The following RYR3 variants were observed in gnomAD, a reference collection of about 807,000 sequenced individuals.
RYR3 encodes ryanodine receptor 3.
In RYR3, 207 loss-of-function variants were observed where a neutral mutation model predicts 584.3. The observed-to-expected ratio is 0.35, with a 90% CI of 0.32 to 0.40. The LOEUF is 0.40. RYR3 is among the 10% of genes least tolerant of loss of function. The pLI is 1.00. For synonymous variants in RYR3, 2,416 were observed against 2,248.5 expected (o/e 1.07, Z -2.11); for missense variants, 5,616 against 6,089.2 (o/e 0.92, Z 2.59).
intron 94 of RYR3, chr15:33,852,343 T>G (rs1014175186): frequency 6.6e-6 from 1 of 152,056 alleles, no homozygotes; most frequent in Non-Finnish European, 1.5e-5. Context: ...TTTCTTAACT[T>G]TAACAGTAAG....
chr15:33,745,844 G>A (rs931072585), intron 52 of RYR3, among the ~76,000 whole-genome samples: 1 of 152,182 alleles, frequency 6.6e-6, no homozygotes, highest in African/African-American at 2.4e-5. Flanking sequence ...AAAGTGGAGA[G>A]GACAGCAACT....
At chr15:33,430,459 T>G (rs567630013) in intron 1 of RYR3, among the ~76,000 whole-genome samples, 103 of 152,286 alleles carry the variant, frequency 6.8e-4, no homozygotes, top group African/African-American at 1.8e-3. Flanking sequence ...AGGGAGAGCT[T>G]TATCTAAAAA....
At chr15:33,564,732 T>A (rs1259486280) in intron 11 of RYR3, among the ~76,000 whole-genome samples, 1 of 152,188 alleles carries the variant, frequency 6.6e-6, no homozygotes, top group African/African-American at 2.4e-5. Flanking sequence ...TTTGCATTGT[T>A]GACTTACTGT....
At chr15:33,589,214 A>G (rs993007135) in intron 16 of RYR3, among the ~76,000 whole-genome samples, 15 of 152,176 alleles carry the variant, frequency 9.9e-5, no homozygotes, top group African/African-American at 1.7e-4. Context: ...ATGATTAGTG[A>G]CGCTGAGCAT....
Position 33,697,843 on chromosome 15 carries a change from T to A in RYR3, c.6135-39T>A, listed in dbSNP as rs537738836. The A allele has an allele frequency of 7.1e-6, 9 of 1,268,758 alleles. No homozygotes were observed. In the South Asian group the frequency reaches 1.1e-4, roughly 15 times the overall value. The allele number at this position is 1,268,758 out of a possible 1,614,324, so 78.6% of individuals were successfully genotyped here. ...TCCCTGAATTTTCATAGCATATAAA[T>A]AAGCAGGTGCTGAAGACTCTCTCTG... On this transcript the variant is annotated intron_variant, in intron 39 of 103. Transcript: ENST00000634891.
At chr15:33,794,029 TATATACATAAATAC>T (rs2075342822) in intron 67 of RYR3, among the ~76,000 whole-genome samples, 2 of 103,692 alleles carry the variant, frequency 1.9e-5, no homozygotes, top group Admixed American at 1.1e-4. Context: ...TATATATAAA[TATATACATAAATAC>T]ATATATATAA....
chr15:33,769,002 T>C lies in RYR3; in HGVS notation c.8756-110T>C, dbSNP rs181170652. 2.1e-4 allele frequency: 177 copies of C among 830,242 alleles called. No homozygotes were observed. The East Asian group carries it at 3.4e-3, about 16-fold the overall frequency. 51.4% of individuals were successfully genotyped at this position (830,242 alleles called of 1,614,324 possible). Reference sequence around the variant, plus strand: ...CTGAACACAGGCCCAGGACTTTATGTGTTGGTAGTTAATTACGCTGGGGCT... The same window carrying C: ...CTGAACACAGGCCCAGGACTTTATGCGTTGGTAGTTAATTACGCTGGGGCT... On this transcript the variant is annotated intron_variant, in intron 61 of 103. Coordinates refer to ENST00000634891, the MANE Select transcript of RYR3 (RefSeq NM_001036.6).
intron 1 of RYR3, among the ~76,000 whole-genome samples, chr15:33,411,403 T>C (rs1394701016): frequency 1.3e-5 from 2 of 152,198 alleles, no homozygotes; most frequent in African/African-American, 4.8e-5. Flanking sequence ...ACTGCAAATA[T>C]TGAAGCAAAC....
chr15:33,838,038 A>C lies in RYR3; in HGVS notation c.12058A>C (p.Ser4020Arg). The C allele has an allele frequency of 6.2e-7, 1 of 1,614,034 alleles. No homozygotes were observed. Among genetic ancestry groups the C allele is most frequent in the East Asian group, 2.2e-5 (1 of 44,886 alleles). Residue 4020 changes from serine (S) to arginine (R), a missense_variant, in exon 89 of 104, where the codon AGT (serine) becomes CGT (arginine). By Grantham distance (110) the Ser-to-Arg change is moderately radical. Coordinates refer to ENST00000634891, the MANE Select transcript of RYR3 (RefSeq NM_001036.6). ...RLKCLLDPAE[S>R]VLNYFEPYLG... is the part of the protein sequence containing the mutation. Reference sequence around the variant, plus strand: ...GAAGTGTCTGTTGGACCCAGCAGAAAGTGTGCTAAATTACTTCGAACCCTA... The same window carrying C: ...GAAGTGTCTGTTGGACCCAGCAGAACGTGTGCTAAATTACTTCGAACCCTA...
At chr15:33,634,991 T>C (rs2061433420) in intron 25 of RYR3, among the ~76,000 whole-genome samples, 1 of 152,220 alleles carries the variant, frequency 6.6e-6, no homozygotes, top group African/African-American at 2.4e-5. Flanking sequence ...TCTTCTAGGG[T>C]AGCTGAGCTT....
chr15:33,574,684 C>T (rs181403215), intron 12 of RYR3, among the ~76,000 whole-genome samples: 28 of 152,160 alleles, frequency 1.8e-4, no homozygotes, highest in Non-Finnish European at 3.5e-4. Context: ...CTTTGGGCCC[C>T]GATGAAAATC....
chr15:33,827,728 T>C lies in RYR3; in HGVS notation c.11334+441T>C, dbSNP rs141702127. Reference sequence around the variant, plus strand: ...GGAAGCCCAAATTATATTGAAAAAATCTACACAAACCTATTAACAAAAAGG... The same window carrying C: ...GGAAGCCCAAATTATATTGAAAAAACCTACACAAACCTATTAACAAAAAGG... On this transcript the variant is annotated intron_variant, in intron 85 of 103. Transcript: ENST00000634891. Among the ~76,000 whole-genome samples the C allele has an allele frequency of 4.1e-4, 62 of 152,314 alleles. No homozygotes were observed. The East Asian group carries it at 0.01, about 26-fold the overall frequency.
intron 7 of RYR3, among the ~76,000 whole-genome samples, chr15:33,543,034 G>A (rs149001716): frequency 3.9e-5 from 6 of 152,182 alleles, no homozygotes; most frequent in South Asian, 4.2e-4. Flanking sequence ...TGATGAAAGC[G>A]TCTACACTTG....
chr15:33,495,810 T>G (rs1275504417), intron 2 of RYR3, among the ~76,000 whole-genome samples: 1 of 152,168 alleles, frequency 6.6e-6, no homozygotes, highest in Admixed American at 6.5e-5. Context: ...ACTGCACAAA[T>G]ACATAAATAA....
At chr15:33,860,700 A>G (rs1242933198) in intron 101 of RYR3, 41 bp downstream of exon 101, 1 of 1,376,010 alleles carries the variant, frequency 7.3e-7, no homozygotes, top group African/African-American at 1.4e-5. Flanking sequence ...CTATTTTAAT[A>G]TCCCCAGAAG....
At chr15:33,781,119 TG>T (rs1424852406) in intron 65 of RYR3, among the ~76,000 whole-genome samples, 1 of 152,212 alleles carries the variant, frequency 6.6e-6, no homozygotes, top group African/African-American at 2.4e-5. Flanking sequence ...AAAATGATCC[TG>T]GAACTAAAAT....
intron 1 of RYR3, among the ~76,000 whole-genome samples, chr15:33,457,484 C>A (rs2047656989): frequency 6.6e-6 from 1 of 152,096 alleles, no homozygotes; most frequent in South Asian, 2.1e-4. Flanking sequence ...TGAAATAAGC[C>A]AGGCACAGAA....
At chr15:33,632,073 C>T (rs2061296209) in intron 23 of RYR3, among the ~76,000 whole-genome samples, 1 of 152,260 alleles carries the variant, frequency 6.6e-6, no homozygotes, top group Admixed American at 6.5e-5. Context: ...CATCCTGACT[C>T]TGCCCAAGGG....
chr15:33,431,689 C>T (rs2045163899), intron 1 of RYR3, among the ~76,000 whole-genome samples: 1 of 151,924 alleles, frequency 6.6e-6, no homozygotes, highest in African/African-American at 2.4e-5. Flanking sequence ...TCGCTTGAGA[C>T]AAGGAGGTTG....
Sources: gnomAD v4.1 joint callset for allele counts (sites outside exome capture counted in the v4.1 genomes callset) on GRCh38, gnomAD v4.1.1 for gene constraint, MANE v1.5 for transcripts, NCBI Gene and HGNC (gene_info 2026-07-23, HGNC 2026-07-21) for gene names.